Variants in ERICH1 observed in about 807,000 individuals in gnomAD.
ERICH1 encodes the protein glutamate-rich protein 1.
ERICH1 carries 56 observed loss-of-function variants against 39.6 expected under a neutral mutation model. The observed-to-expected ratio is 1.41, with a 90% CI of 1.14 to 1.77. ERICH1 has a LOEUF of 1.77. Among genes scored for constraint, ERICH1 ranks in the 40% most tolerant of loss-of-function variants. The pLI, the probability that ERICH1 is intolerant of heterozygous loss-of-function variation, is 0.00. For synonymous variants in ERICH1, 313 were observed against 223.6 expected (o/e 1.40, Z -3.57); for missense variants, 826 against 575.4 (o/e 1.44, Z -4.45).
intron 3 of ERICH1, among the ~76,000 whole-genome samples, chr8:638,077 C>G (rs1341024853): frequency 2.0e-5 from 3 of 152,374 alleles, no homozygotes; most frequent in African/African-American, 7.2e-5. Context: ...GAGTCATTTA[C>G]ATCGGTGACC....
At chr8:620,171 G>A (rs905734664) in intron 3 of ERICH1, among the ~76,000 whole-genome samples, 14 of 152,102 alleles carry the variant, frequency 9.2e-5, no homozygotes, top group African/African-American at 3.1e-4. Flanking sequence ...AATTAGCCAG[G>A]CGTGGTGGCG....
chr8:699,767 C>G (rs1372733591), intron 2 of ERICH1, among the ~76,000 whole-genome samples: 2 of 120,482 alleles, frequency 1.7e-5, no homozygotes, highest in East Asian at 6.2e-4. Flanking sequence ...ACTCACACAG[C>G]CGCACAGACC....
intron 3 of ERICH1, among the ~76,000 whole-genome samples, chr8:674,544 TC>T (rs1367696708): frequency 6.6e-6 from 1 of 152,188 alleles, no homozygotes; most frequent in African/African-American, 2.4e-5. Context: ...TCTCAAGTGA[TC>T]CACCTGCCTC....
At chr8:710,628 T>C (rs554159100) in intron 2 of ERICH1, among the ~76,000 whole-genome samples, 1 of 152,376 alleles carries the variant, frequency 6.6e-6, no homozygotes, top group African/African-American at 2.4e-5. Context: ...AATTGCAATG[T>C]GTAGCCTTTT....
chr8:708,730 A>C (rs1814024967), intron 2 of ERICH1, among the ~76,000 whole-genome samples: 2 of 101,306 alleles, frequency 2.0e-5, no homozygotes, highest in Non-Finnish European at 3.9e-5. Context: ...GTCTCACTGC[A>C]TTGTCTAGGC....
intron 3 of ERICH1, among the ~76,000 whole-genome samples, chr8:625,005 C>A (rs144222253): frequency 1.8e-4 from 27 of 152,222 alleles, no homozygotes; most frequent in African/African-American, 6.5e-4. Context: ...GGATTACAGG[C>A]GTGAGCCACT....
At position 639,754 on chromosome 8, in the gene ERICH1, T is replaced by C. The variant is rs1187993837; in HGVS notation, c.977-24470A>G. Among the ~76,000 whole-genome samples, 3 of 124,242 alleles carry C rather than the reference T, an allele frequency of 2.4e-5. 1 individual carries two copies. The highest frequency in any genetic ancestry group is 9.5e-5 in the African/African-American group (3 of 31,550). The allele number at this position is 124,242 out of a possible 152,430, so 81.5% of individuals were successfully genotyped here. ...AGCAGACACAACCAAGCACCCTGGA[T>C]TCAGAGGCAGCCACCAATCCAGTTA... On this transcript the variant is annotated intron_variant, in intron 3 of 3. Transcript: ENST00000522706.
chr8:699,097 A>G (rs767942789), intron 2 of ERICH1, among the ~76,000 whole-genome samples: 13 of 152,012 alleles, frequency 8.6e-5, no homozygotes, highest in Non-Finnish European at 1.6e-4. Context: ...CCTGCGCAAC[A>G]CAGGGAAACC....
rs185292777 is a variant in ERICH1 at position 710,082 on chromosome 8, C to T, written c.169+5779G>A. ...TGCACATGCTCCCCATTATCATCAC[C>T]GTCAGAGCCGTACATTCTTATAATC... On this transcript the variant is annotated intron_variant, in intron 2 of 5. Coordinates refer to ENST00000262109, the MANE Select transcript of ERICH1 (RefSeq NM_207332.3). 1.8e-3 allele frequency among the ~76,000 whole-genome samples: 276 copies of T among 152,342 alleles called. 1 individual carries two copies. Among genetic ancestry groups the T allele is most frequent in the Non-Finnish European group, 2.9e-3 (200 of 68,046 alleles).
intron 3 of ERICH1, among the ~76,000 whole-genome samples, chr8:690,445 T>A (rs1024451062): frequency 6.6e-6 from 1 of 152,222 alleles, no homozygotes; most frequent in Non-Finnish European, 1.5e-5. Flanking sequence ...AGTAGCCAGG[T>A]ACCCAGGACA....
intron 3 of ERICH1, among the ~76,000 whole-genome samples, chr8:651,115 C>T (rs1348457365): frequency 6.6e-6 from 1 of 152,212 alleles, no homozygotes; most frequent in African/African-American, 2.4e-5. Flanking sequence ...TGGCTTGATT[C>T]AGGCCAACAT....
At chr8:718,713 C>A (rs1367968094) in intron 1 of ERICH1, among the ~76,000 whole-genome samples, 4 of 152,182 alleles carry the variant, frequency 2.6e-5, no homozygotes, top group Non-Finnish European at 5.9e-5. Flanking sequence ...TTTACGTGAT[C>A]CCAGCCTCAC....
rs1799562484 is a variant in ERICH1 at position 648,003 on chromosome 8, C to T, written c.976+20595G>A. ...GGACATGAGGACAACTCGTTTCTGC[C>T]ACAGCAATGGAAACGTACAGTGTGG... On this transcript the variant is annotated intron_variant, in intron 3 of 3. Coordinates refer to the ERICH1 transcript ENST00000522706. 5.9e-5 allele frequency among the ~76,000 whole-genome samples: 4 copies of T among 67,950 alleles called. 2 individuals carry two copies. Among genetic ancestry groups the T allele is most frequent in the Non-Finnish European group, 1.8e-4 (4 of 22,042 alleles). The allele number at this position is 67,950 out of a possible 152,430, so 44.6% of individuals were successfully genotyped here. A position where few individuals can be genotyped will look rare whatever the true frequency, so the allele number is the denominator to read the frequency against.
At chr8:651,920 AC>A (rs1274903405) in intron 3 of ERICH1, among the ~76,000 whole-genome samples, 1 of 152,220 alleles carries the variant, frequency 6.6e-6, no homozygotes, top group African/African-American at 2.4e-5. Context: ...AGCCTTTTTC[AC>A]AGAATGCTTG....
intron 3 of ERICH1, among the ~76,000 whole-genome samples, chr8:690,686 G>C (rs1808709341): frequency 6.6e-6 from 1 of 152,264 alleles, no homozygotes; most frequent in Non-Finnish European, 1.5e-5. Flanking sequence ...CCCCGGCGCA[G>C]AGCAGGGCTG....
Position 715,850 on chromosome 8 carries a change from G to A in ERICH1, c.169+11C>T. 1 of 1,604,530 alleles carries A rather than the reference G, an allele frequency of 6.2e-7. No homozygotes were observed. Among genetic ancestry groups the A allele is most frequent in the South Asian group, 1.1e-5 (1 of 89,442 alleles). ...TTTCTGAGACCCACCCACATCTGCAGACAAACTCACCTGTCAAAGGCTCAG... is the reference window on the plus strand; with the variant it reads ...TTTCTGAGACCCACCCACATCTGCAAACAAACTCACCTGTCAAAGGCTCAG... On this transcript the variant is annotated intron_variant, in intron 2 of 5. Transcript: ENST00000262109.
intron 3 of ERICH1, among the ~76,000 whole-genome samples, chr8:687,186 C>A (rs1483619631): frequency 6.6e-6 from 1 of 152,230 alleles, no homozygotes; most frequent in Non-Finnish European, 1.5e-5. Context: ...ACCATCACAA[C>A]AGCTCTCCAC....
At chr8:698,779 G>A (rs1037945647) in intron 2 of ERICH1, among the ~76,000 whole-genome samples, 5 of 152,070 alleles carry the variant, frequency 3.3e-5, no homozygotes, top group African/African-American at 1.2e-4. Context: ...TGTTTGGCCT[G>A]AAAAGTCTTT....
At chr8:626,419 G>T (rs4735891) in intron 3 of ERICH1, 1 of 152,070 alleles carries the variant, frequency 6.6e-6, no homozygotes, top group African/African-American at 2.4e-5. Context: ...AGGAGCTGGG[G>T]TGGGGTCATT....
Sources: gnomAD v4.1 joint callset for allele counts (sites outside exome capture counted in the v4.1 genomes callset) on GRCh38, gnomAD v4.1.1 for gene constraint, MANE v1.5 for transcripts, NCBI Gene and HGNC (gene_info 2026-07-23, HGNC 2026-07-21) for gene names.